Variants in SLC13A1 observed in about 807,000 individuals in gnomAD.
The protein encoded by SLC13A1 is Na(+)/sulfate cotransporter.
In SLC13A1, 65 loss-of-function variants were observed where a neutral mutation model predicts 70.0. The ratio of observed to expected loss-of-function variants is 0.93; its 90% CI spans 0.76 to 1.14. The LOEUF (loss-of-function observed/expected upper bound fraction) is 1.14, where lower values mean the gene tolerates loss of function less well. SLC13A1 is among the 50% of genes most tolerant of loss of function. The pLI is 0.00. For synonymous variants in SLC13A1, 275 were observed against 250.5 expected, an observed-to-expected ratio of 1.10 and a Z score of -0.92; for missense variants, 726 against 717.8, an observed-to-expected ratio of 1.01 and a Z score of -0.13.
Position 123,122,027 on chromosome 7 carries a change from C to A in SLC13A1, c.1350+1099G>T, listed in dbSNP as rs894336081. Among the ~76,000 whole-genome samples the A allele has an allele frequency of 4.6e-5, 7 of 152,052 alleles. No individual in the cohort carries two copies. The East Asian group carries it at 1.2e-3, about 25-fold the overall frequency. Reference sequence around the variant, plus strand: ...ACCTCCCTCTCTGGGTTCCCAAATTCTTCTACTGAGAGAACCTTGTGCATC... The same window carrying A: ...ACCTCCCTCTCTGGGTTCCCAAATTATTCTACTGAGAGAACCTTGTGCATC... On this transcript the variant is annotated intron_variant, in intron 12 of 14. Coordinates refer to ENST00000194130, the MANE Select transcript of SLC13A1 (RefSeq NM_022444.4).
chr7:123,172,540 T>C (rs2116568311), intron 2 of SLC13A1, among the ~76,000 whole-genome samples: 1 of 152,330 alleles, frequency 6.6e-6, no homozygotes, highest in South Asian at 2.1e-4. Context: ...AAGAATTGCT[T>C]GAACCCAGGA....
intron 1 of SLC13A1, among the ~76,000 whole-genome samples, chr7:123,196,760 C>G (rs934313578): frequency 6.6e-6 from 1 of 152,066 alleles, no homozygotes. Flanking sequence ...TTTGGCCTGT[C>G]TAAAGCATTT....
At chr7:123,148,611 G>T in intron 6 of SLC13A1, 2 of 343,196 alleles carry the variant, frequency 5.8e-6, no homozygotes, top group South Asian at 2.2e-5. Context: ...TAACTTTTCC[G>T]GTCATTTCAT....
At chr7:123,126,380 G>A (rs1467802341) in intron 10 of SLC13A1, among the ~76,000 whole-genome samples, 1 of 152,102 alleles carries the variant, frequency 6.6e-6, no homozygotes, top group East Asian at 1.9e-4. Flanking sequence ...CCAGACCATT[G>A]TAACAAATAA....
chr7:123,166,508 A>C (rs745364737), intron 6 of SLC13A1, among the ~76,000 whole-genome samples: 2 of 152,016 alleles, frequency 1.3e-5, no homozygotes, highest in African/African-American at 4.8e-5. Context: ...CTTGTCATTT[A>C]ACATTAGGTA....
intron 7 of SLC13A1, among the ~76,000 whole-genome samples, chr7:123,142,506 G>GGA (rs1794190482): frequency 6.6e-6 from 1 of 152,098 alleles, no homozygotes; most frequent in Non-Finnish European, 1.5e-5. Flanking sequence ...TTGTTAAGCA[G>GGA]GAGTCTCAAC....
chr7:123,173,970 G>GTTT (rs35330071), intron 2 of SLC13A1, among the ~76,000 whole-genome samples: 15 of 130,178 alleles, frequency 1.2e-4, no homozygotes, highest in Non-Finnish European at 1.8e-4. Context: ...TCGGGAAGCT[G>GTTT]TTTTTTTTTT....
At chr7:123,135,012 T>C (rs1416285480) in intron 7 of SLC13A1, among the ~76,000 whole-genome samples, 1 of 152,202 alleles carries the variant, frequency 6.6e-6, no homozygotes, top group African/African-American at 2.4e-5. Flanking sequence ...GTGAAAGTAC[T>C]CTGATCCAGC....
chr7:123,156,130 T>G (rs958932306), intron 6 of SLC13A1, among the ~76,000 whole-genome samples: 2 of 152,136 alleles, frequency 1.3e-5, no homozygotes, highest in African/African-American at 4.8e-5. Context: ...GTTTATTGGC[T>G]TTTTTCATTA....
intron 8 of SLC13A1, among the ~76,000 whole-genome samples, chr7:123,130,420 T>C (rs1793716825): frequency 6.6e-6 from 1 of 152,108 alleles, no homozygotes; most frequent in African/African-American, 2.4e-5. Context: ...TGCAGGGACA[T>C]GGATGGAGCT....
At chr7:123,137,195 A>G (rs532974402) in intron 7 of SLC13A1, among the ~76,000 whole-genome samples, 87 of 142,560 alleles carry the variant, frequency 6.1e-4, no homozygotes, top group Admixed American at 2.8e-3. Context: ...AAGAGTGGAA[A>G]CTGTGTGATG....
chr7:123,166,007 G>A (rs916679165), intron 6 of SLC13A1, among the ~76,000 whole-genome samples: 1 of 151,844 alleles, frequency 6.6e-6, no homozygotes, highest in Non-Finnish European at 1.5e-5. Context: ...ACATGCTCTC[G>A]TCTTTCCAGA....
At chr7:123,180,080 C>G (rs1308549026) in intron 2 of SLC13A1, among the ~76,000 whole-genome samples, 1 of 151,936 alleles carries the variant, frequency 6.6e-6, no homozygotes, top group Non-Finnish European at 1.5e-5. Context: ...AAAGAAAAGA[C>G]TCGAAGTTAG....
intron 12 of SLC13A1, among the ~76,000 whole-genome samples, chr7:123,121,498 T>C (rs1012606227): frequency 6.6e-6 from 1 of 152,168 alleles, no homozygotes; most frequent in Non-Finnish European, 1.5e-5. Context: ...CCCTGTCATA[T>C]AGTCTTTGTC....
At chr7:123,125,440 G>A in intron 11 of SLC13A1, 129 bp downstream of exon 11, 1 of 647,098 alleles carries the variant, frequency 1.5e-6, no homozygotes. Context: ...TTTGCAAATA[G>A]GGCATGCTAG....
chr7:123,158,252 T>A (rs1356474211), intron 6 of SLC13A1, among the ~76,000 whole-genome samples: 1 of 151,912 alleles, frequency 6.6e-6, no homozygotes, highest in African/African-American at 2.4e-5. Context: ...ATATGATTAA[T>A]AAAATTAGAG....
chr7:123,174,792 C>T (rs1425922887), intron 2 of SLC13A1, among the ~76,000 whole-genome samples: 1 of 151,868 alleles, frequency 6.6e-6, no homozygotes. Flanking sequence ...AGTTTTTTGC[C>T]ACTCCACCCT....
rs111834163 is a variant in SLC13A1, at chr7:123,115,435, T to G, written c.*83A>C. The G allele has an allele frequency of 4.4e-6, 6 of 1,356,076 alleles. No individual in the cohort carries two copies. Among genetic ancestry groups the G allele is most frequent in the Non-Finnish European group, 6.2e-6 (6 of 968,654 alleles). The allele number at this position is 1,356,076 out of a possible 1,614,324, so 84.0% of individuals were successfully genotyped here. A position where few individuals can be genotyped will look rare whatever the true frequency, so the allele number is the denominator to read the frequency against. ...CCATAACTGATTTAAATGTGTGTCA[T>G]TAGTTATTTAGAGCCACATTTTACA... On this transcript the variant is annotated 3_prime_UTR_variant, in exon 15 of 15. Coordinates refer to ENST00000194130, the MANE Select transcript of SLC13A1 (RefSeq NM_022444.4).
chr7:123,121,136 C>G (rs996891136), intron 12 of SLC13A1, among the ~76,000 whole-genome samples: 1 of 151,988 alleles, frequency 6.6e-6, no homozygotes, highest in Non-Finnish European at 1.5e-5. Flanking sequence ...GCCAGTGTCT[C>G]ATTGGCTCAA....
Sources: gnomAD v4.1 joint callset for allele counts (sites outside exome capture counted in the v4.1 genomes callset) on GRCh38, gnomAD v4.1.1 for gene constraint, MANE v1.5 for transcripts, NCBI Gene and HGNC (gene_info 2026-07-23, HGNC 2026-07-21) for gene names.